PRKDC: variants seen among roughly 807,000 people sequenced by gnomAD.
PRKDC encodes DNA-dependent protein kinase catalytic subunit.
A neutral mutation model predicts 486.9 loss-of-function variants in PRKDC; 82 were observed. The observed-to-expected ratio is 0.17, with a 90% CI of 0.14 to 0.20. The LOEUF (loss-of-function observed/expected upper bound fraction) is 0.20, where lower values mean the gene tolerates loss of function less well. Ranked by LOEUF, PRKDC falls within the 10% of genes least tolerant of loss-of-function variation. The pLI is 1.00. For synonymous variants in PRKDC, 1,895 were observed against 1,837.0 expected (o/e 1.03, Z -0.81); for missense variants, 4,504 against 5,038.2 (o/e 0.89, Z 3.21).
chr8:47,880,104 C>G (rs1170410261), intron 38 of PRKDC, among the ~76,000 whole-genome samples: 1 of 152,130 alleles, frequency 6.6e-6, no homozygotes, highest in South Asian at 2.1e-4. Context: ...CTGCCTTGGC[C>G]TCCCAAAATG....
In PRKDC at chr8:47,799,133, A is replaced by C; in HGVS notation, c.10297+77T>G. On this transcript the variant is annotated intron_variant, in intron 72 of 85. Coordinates refer to ENST00000314191, the MANE Select transcript of PRKDC (RefSeq NM_006904.7). The stretch of plus-strand genomic sequence containing the variant: ...TGTAATTTGAAAACAAACAAAGAGG[A>C]GACCAAAGGTATGTACAAAATTCAT... 2.0e-6 allele frequency: 3 copies of C among 1,514,204 alleles called. No individual in the cohort carries two copies. The South Asian group carries it at 3.6e-5, about 18-fold the overall frequency. The allele number at this position is 1,514,204 out of a possible 1,614,324, so 93.8% of individuals were successfully genotyped here.
rs56053523 is a variant in PRKDC at position 47,820,910 on chromosome 8, G to A, written c.9145C>T (p.Leu3049=). The A allele has an allele frequency of 8.3e-3, 13,345 of 1,606,574 alleles. 70 individuals are homozygous for A. Among genetic ancestry groups the A allele is most frequent in the Non-Finnish European group, 9.6e-3 (11,258 of 1,175,262 alleles). The change falls in exon 66 of 86, where the codon CTG becomes TTG. Residue 3049 remains leucine, a synonymous_variant. Coordinates refer to ENST00000314191, the MANE Select transcript of PRKDC (RefSeq NM_006904.7). The part of the protein sequence containing the change: ...TYLPYMIRSK[L]KLLLQGEADQ... ...GCCTCTCCCTGGAGCAGCAGCTTCA[G>A]CTTGCTGCGGATCATGTAAGGTAGA... is the stretch of plus-strand genomic sequence containing the variant.
intron 68 of PRKDC, among the ~76,000 whole-genome samples, chr8:47,815,486 A>G (rs952865878): frequency 3.9e-5 from 6 of 152,254 alleles, no homozygotes; most frequent in African/African-American, 1.4e-4. Flanking sequence ...AGAAAACAGT[A>G]GAAGACAGGT....
At chr8:47,777,639 G>C (rs558846894) in intron 84 of PRKDC, 47 bp downstream of exon 84, 12 of 1,506,712 alleles carry the variant, frequency 8.0e-6, no homozygotes, top group South Asian at 6.7e-5. Context: ...GCTTGATCAC[G>C]GGGACACTGT....
At chr8:47,834,158 G>A (rs1482056937) in intron 59 of PRKDC, 38 bp downstream of exon 59, 1 of 1,608,876 alleles carries the variant, frequency 6.2e-7, no homozygotes, top group Non-Finnish European at 8.5e-7. Context: ...TAATTTAGTG[G>A]GGAAGCTATT....
At chr8:47,873,219 C>T (rs2088998582) in intron 40 of PRKDC, among the ~76,000 whole-genome samples, 1 of 134,128 alleles carries the variant, frequency 7.5e-6, no homozygotes, top group South Asian at 2.5e-4. Context: ...CACAGCAAGA[C>T]TCCATCTCAA....
At chr8:47,939,439 G>A (rs555342440) in intron 11 of PRKDC, 112 bp downstream of exon 11, 9 of 1,217,772 alleles carry the variant, frequency 7.4e-6, no homozygotes, top group Non-Finnish European at 1.0e-5. Flanking sequence ...TGTTATTCAA[G>A]GGTCTACTGT....
chr8:47,839,347 G>T, intron 55 of PRKDC, 101 bp from the exon 56 acceptor site: 1 of 828,116 alleles, frequency 1.2e-6, no homozygotes, highest in Non-Finnish European at 2.0e-6. Flanking sequence ...TAAAAGGCTT[G>T]TTTTCCCATT....
intron 68 of PRKDC, among the ~76,000 whole-genome samples, chr8:47,814,966 C>T (rs1235911653): frequency 1.3e-5 from 2 of 152,016 alleles, no homozygotes; most frequent in Non-Finnish European, 2.9e-5. Flanking sequence ...AGTTACATAC[C>T]ATCCTGGGCA....
chr8:47,862,207 T>C, intron 43 of PRKDC, 80 bp from the exon 44 acceptor site: 9 of 1,405,666 alleles, frequency 6.4e-6, no homozygotes, highest in South Asian at 1.3e-5. Context: ...ATTAATGCTA[T>C]GTAATAGCTC....
chr8:47,796,551 T>C (rs963038811), intron 73 of PRKDC, among the ~76,000 whole-genome samples: 3 of 152,080 alleles, frequency 2.0e-5, no homozygotes, highest in Non-Finnish European at 4.4e-5. Context: ...CGAAGTCAGC[T>C]TTTTGTTTCT....
At chr8:47,869,485 T>TA (rs2088896744) in intron 40 of PRKDC, among the ~76,000 whole-genome samples, 1 of 151,668 alleles carries the variant, frequency 6.6e-6, no homozygotes, top group Admixed American at 6.6e-5. Context: ...ACCTACTGAC[T>TA]AAAGAGCCTT....
chr8:47,787,703 C>T (rs2086812979), intron 76 of PRKDC, among the ~76,000 whole-genome samples: 1 of 152,208 alleles, frequency 6.6e-6, no homozygotes. Flanking sequence ...GCAGGGAAGT[C>T]TCAGGGCTTC....
intron 10 of PRKDC, 136 bp downstream of exon 10, chr8:47,943,073 T>C: frequency 1.7e-6 from 2 of 1,148,214 alleles, no homozygotes; most frequent in Non-Finnish European, 2.4e-6. Flanking sequence ...GGCTGGCTGA[T>C]CAACATCTTT....
In PRKDC at chr8:47,936,824, C is replaced by A. The variant is rs924862309; in HGVS notation, c.1114-307G>T. 2.7e-5 allele frequency among the ~76,000 whole-genome samples: 4 copies of A among 149,814 alleles called. No homozygotes were observed. The East Asian group carries it at 8.0e-4, about 30-fold the overall frequency. On this transcript the variant is annotated intron_variant, in intron 11 of 85. Transcript: ENST00000314191. ...GTATTAAGTAGAGACAGGGTTTCTC[C>A]GTGTTGGTCAGGCTGGTCTCAAACT...
intron 7 of PRKDC, among the ~76,000 whole-genome samples, chr8:47,948,510 A>C (rs2090574967): frequency 7.4e-6 from 1 of 135,904 alleles, no homozygotes; most frequent in African/African-American, 2.9e-5. Flanking sequence ...CCCAGGCTGG[A>C]GTGCAATGGC....
At chr8:47,942,468 C>G (rs1199310770) in intron 10 of PRKDC, among the ~76,000 whole-genome samples, 1 of 152,232 alleles carries the variant, frequency 6.6e-6, no homozygotes, top group Non-Finnish European at 1.5e-5. Context: ...GCTCTCTCTT[C>G]TCCTTCCACA....
rs770354705 is a variant in PRKDC at position 47,943,217 on chromosome 8, G to A, written c.958C>T (p.Leu320=). The change falls in exon 10 of 86, where the codon CTG becomes TTG. Residue 320 remains leucine (L), a synonymous_variant. Coordinates refer to ENST00000314191, the MANE Select transcript of PRKDC (RefSeq NM_006904.7). ...AGTTGAATTTGTGGTACCTGTTTCAGAAAGGATTCCAGGGCTGAAAGTGCA... is the reference window on the plus strand; with the variant it reads ...AGTTGAATTTGTGGTACCTGTTTCAAAAAGGATTCCAGGGCTGAAAGTGCA... ...KAALSALESF[L]KQVSNMVAKN... is the part of the protein sequence containing the mutation. 1 of 1,611,546 alleles carries A rather than the reference G, an allele frequency of 6.2e-7. No homozygotes were observed.
chr8:47,931,943 T>G (rs1208240458), intron 16 of PRKDC, among the ~76,000 whole-genome samples: 1 of 152,180 alleles, frequency 6.6e-6, no homozygotes, highest in East Asian at 1.9e-4. Context: ...CAGGCTGGAG[T>G]GCAGTGGCGC....
Sources: gnomAD v4.1 joint callset for allele counts (sites outside exome capture counted in the v4.1 genomes callset) on GRCh38, gnomAD v4.1.1 for gene constraint, MANE v1.5 for transcripts, NCBI Gene and HGNC (gene_info 2026-07-23, HGNC 2026-07-21) for gene names.